IL6ST: variants seen among roughly 807,000 people sequenced by gnomAD.
The protein encoded by IL6ST is interleukin 6 cytokine family signal transducer, also known as interleukin-6 receptor subunit beta.
Under a neutral mutation model 91.3 loss-of-function variants are expected in IL6ST, and 24 were observed. That is an observed-to-expected ratio of 0.26 (90% confidence interval 0.19 to 0.37). The LOEUF is 0.37. Ranked by LOEUF, IL6ST falls within the 10% of genes least tolerant of loss-of-function variation. The pLI is 1.00. For synonymous variants in IL6ST, 351 were observed against 373.6 expected (o/e 0.94, Z 0.70); for missense variants, 914 against 1,078.5 (o/e 0.85, Z 2.14).
chr5:55,967,309 C>CAAAAAAAAAAAAAAAAAAA (rs60547666), intron 5 of IL6ST, among the ~76,000 whole-genome samples: 1 of 31,904 alleles, frequency 3.1e-5, no homozygotes, highest in Non-Finnish European at 4.7e-5. Context: ...GACTCCATCT[C>CAAAAAAAAAAAAAAAAAAA]AAAAAAAAAA....
In IL6ST at chr5:55,952,174, A is replaced by T. The variant is rs1463810636; in HGVS notation, c.1552+76T>A. ...TTTGAACATAATGAGATACATCTTT[A>T]TTTAAAAGCGATAAAATGTTTCTGT... On this transcript the variant is annotated intron_variant, in intron 12 of 16. Transcript: ENST00000381298. 12 of 1,481,702 alleles carry T rather than the reference A, an allele frequency of 8.1e-6. No individual in the cohort carries two copies. In the East Asian group the frequency reaches 2.7e-4, roughly 34 times the overall value. The allele number at this position is 1,481,702 out of a possible 1,614,324, so 91.8% of individuals were successfully genotyped here. A position where few individuals can be genotyped will look rare whatever the true frequency, so the allele number is the denominator to read the frequency against.
intron 1 of IL6ST, among the ~76,000 whole-genome samples, chr5:55,988,027 A>AG (rs1244081240): frequency 6.6e-6 from 1 of 151,554 alleles, no homozygotes; most frequent in Admixed American, 6.6e-5. Context: ...GCTACTTGGG[A>AG]GGCTGAGGCA....
At chr5:55,977,997 T>TAAA (rs879640200) in intron 2 of IL6ST, among the ~76,000 whole-genome samples, 16 of 142,448 alleles carry the variant, frequency 1.1e-4, no homozygotes, top group Non-Finnish European at 1.8e-4. Flanking sequence ...AAATTCTATT[T>TAAA]AAAAAAAAAA....
intron 8 of IL6ST, among the ~76,000 whole-genome samples, chr5:55,960,021 G>A (rs1301733568): frequency 1.3e-5 from 2 of 152,038 alleles, no homozygotes; most frequent in Middle Eastern, 3.4e-3. Context: ...GAGTAGCTGG[G>A]ACTACAGGCG....
rs1750631440 is a variant in IL6ST at position 55,937,812 on chromosome 5, T to A, written c.*3270A>T. The A allele has an allele frequency of 1.0e-5, 2 of 194,018 alleles. 1 individual carries two copies. The highest frequency in any genetic ancestry group is 3.8e-4 in the South Asian group (2 of 5,206). The allele number at this position is 194,018 out of a possible 1,614,324, so 12.0% of individuals were successfully genotyped here. ...TTATTCATCTCAACAAAATAAAACT[T>A]TATTGAAACAAAAGTGTATGGTTTA... On this transcript the variant is annotated 3_prime_UTR_variant, in exon 17 of 17. Transcript: ENST00000381298.
rs2111584762 is a variant in IL6ST at position 55,941,508 on chromosome 5, G to A, written c.2331C>T (p.Phe777=). ...YRHQVPSVQV[F]SRSESTQPLL... The stretch of plus-strand genomic sequence containing the variant: ...AGGGCTGGGTAGACTCGGATCTTGA[G>A]AAGACTTGGACTGACGGAACTTGGT... The change falls in exon 17 of 17, where the codon TTC becomes TTT. Residue 777 remains phenylalanine (F), a synonymous_variant. Coordinates refer to ENST00000381298, the MANE Select transcript of IL6ST (RefSeq NM_002184.4). 2.5e-6 allele frequency: 4 copies of A among 1,614,126 alleles called. No individual in the cohort carries two copies. Among genetic ancestry groups the A allele is most frequent in the Non-Finnish European group, 3.4e-6 (4 of 1,180,004 alleles).
Position 55,950,603 on chromosome 5 carries a change from G to C in IL6ST, c.1840+861C>G, listed in dbSNP as rs192590090. On this transcript the variant is annotated intron_variant, in intron 14 of 16. Coordinates refer to ENST00000381298, the MANE Select transcript of IL6ST (RefSeq NM_002184.4). ...AGAAGAAAACACCAAAGAACAAGGA[G>C]ACTCAGGAGACTGTGCTAGCAGAAA... 4.7e-5 allele frequency among the ~76,000 whole-genome samples: 7 copies of C among 148,828 alleles called. No homozygotes were observed. The East Asian group carries it at 1.4e-3, about 29-fold the overall frequency.
intron 8 of IL6ST, among the ~76,000 whole-genome samples, chr5:55,958,065 G>A (rs1323101138): frequency 6.6e-6 from 1 of 152,166 alleles, no homozygotes; most frequent in African/African-American, 2.4e-5. Flanking sequence ...TCACAGTATT[G>A]TTGTGATAAT....
At chr5:55,984,630 G>C (rs1753854545) in intron 1 of IL6ST, among the ~76,000 whole-genome samples, 1 of 152,292 alleles carries the variant, frequency 6.6e-6, no homozygotes, top group South Asian at 2.1e-4. Flanking sequence ...TAAATTTGTT[G>C]TTTTGAGCCA....
intron 3 of IL6ST, among the ~76,000 whole-genome samples, chr5:55,970,378 GTTTAGT>G (rs1752892594): frequency 6.6e-6 from 1 of 152,164 alleles, no homozygotes; most frequent in Admixed American, 6.5e-5. Flanking sequence ...TGGCCAAATA[GTTTAGT>G]TTTAAGAATA....
rs1750753762 is a variant in IL6ST, at chr5:55,939,580, T to C, written c.*1502A>G. On this transcript the variant is annotated 3_prime_UTR_variant, in exon 17 of 17. Transcript: ENST00000381298. ...GCATGCCTGGTTTCTGTAACTTAAA[T>C]ATGGCATAAAAACCTGTTTCCTTTG... 4.9e-6 allele frequency: 1 copy of C among 203,502 alleles called. No homozygotes were observed. The highest frequency in any genetic ancestry group is 1.9e-4 in the South Asian group (1 of 5,286). The allele number at this position is 203,502 out of a possible 1,614,324, so 12.6% of individuals were successfully genotyped here. A position where few individuals can be genotyped will look rare whatever the true frequency, so the allele number is the denominator to read the frequency against.
At chr5:55,983,915 TATA>T (rs950457948) in intron 1 of IL6ST, among the ~76,000 whole-genome samples, 35 of 152,302 alleles carry the variant, frequency 2.3e-4, no homozygotes, top group African/African-American at 8.4e-4. Flanking sequence ...TAAGTTAATA[TATA>T]GAGAGTAATT....
At chr5:55,993,935 T>C (rs1473425645) in intron 1 of IL6ST, among the ~76,000 whole-genome samples, 1 of 150,554 alleles carries the variant, frequency 6.6e-6, no homozygotes, top group East Asian at 2.0e-4. Context: ...CAAAAGCAAA[T>C]ACCACAATCT....
At chr5:55,957,353 A>C (rs926930818) in intron 8 of IL6ST, 62 bp from the exon 9 acceptor site, 75 of 848,750 alleles carry the variant, frequency 8.8e-5, no homozygotes, top group Non-Finnish European at 1.3e-4. Context: ...AAAATTCTGC[A>C]AATTATTCTT....
At chr5:55,973,454 A>G (rs1252156758) in intron 3 of IL6ST, among the ~76,000 whole-genome samples, 1 of 152,188 alleles carries the variant, frequency 6.6e-6, no homozygotes, top group African/African-American at 2.4e-5. Flanking sequence ...CTCCCGGGAT[A>G]TCTGCCCTTA....
rs1393902075 is a variant in IL6ST, at chr5:55,936,281, C to T, written c.*4801G>A. 2.2e-5 allele frequency: 5 copies of T among 222,894 alleles called. No individual in the cohort carries two copies. The highest frequency in any genetic ancestry group is 1.9e-4 in the South Asian group (1 of 5,384). The allele number at this position is 222,894 out of a possible 1,614,324, so 13.8% of individuals were successfully genotyped here. On this transcript the variant is annotated 3_prime_UTR_variant, in exon 17 of 17. Transcript: ENST00000381298. ...AGACTCCAGCAGAGTGCAGGGTGGG[C>T]ACAGACAGGCCACAAGATGGCGCAG... is the stretch of plus-strand genomic sequence containing the variant.
intron 3 of IL6ST, among the ~76,000 whole-genome samples, chr5:55,971,937 A>G (rs1007101976): frequency 6.6e-6 from 1 of 152,222 alleles, no homozygotes; most frequent in Non-Finnish European, 1.5e-5. Context: ...GCTGTTATTT[A>G]TAAATGCCTA....
At chr5:55,993,174 G>A (rs1283164936) in intron 1 of IL6ST, among the ~76,000 whole-genome samples, 2 of 152,166 alleles carry the variant, frequency 1.3e-5, no homozygotes, top group East Asian at 1.9e-4. Flanking sequence ...AGGAGGGAGC[G>A]GGGAATCCCT....
chr5:55,937,171 A>T lies in IL6ST; in HGVS notation c.*3911T>A. Reference sequence around the variant, plus strand: ...ACAAAGCCTGTGTTCAAGAAATAAAAAAAACATCTATCACTATCGGCCTTA... The same window carrying T: ...ACAAAGCCTGTGTTCAAGAAATAAATAAAACATCTATCACTATCGGCCTTA... On this transcript the variant is annotated 3_prime_UTR_variant, in exon 17 of 17. Coordinates refer to ENST00000381298, the MANE Select transcript of IL6ST (RefSeq NM_002184.4). 4.7e-6 allele frequency: 1 copy of T among 213,096 alleles called. No individual in the cohort carries two copies. Among genetic ancestry groups the T allele is most frequent in the Non-Finnish European group, 9.5e-6 (1 of 105,242 alleles). 13.2% of individuals were successfully genotyped at this position (213,096 alleles called of 1,614,324 possible).
Sources: gnomAD v4.1 joint callset for allele counts (sites outside exome capture counted in the v4.1 genomes callset) on GRCh38, gnomAD v4.1.1 for gene constraint, MANE v1.5 for transcripts, NCBI Gene and HGNC (gene_info 2026-07-23, HGNC 2026-07-21) for gene names.